Variants in OPCML observed in about 807,000 individuals in gnomAD.
OPCML encodes the protein opioid binding protein/cell adhesion molecule like, also known as opioid-binding protein/cell adhesion molecule.
OPCML carries 13 observed loss-of-function variants against 37.8 expected under a neutral mutation model. The ratio of observed to expected loss-of-function variants is 0.34; its 90% confidence interval spans 0.22 to 0.55. The LOEUF is 0.55. OPCML is among the 20% of genes least tolerant of loss of function. The pLI, the probability that OPCML is intolerant of heterozygous loss-of-function variation, is 0.91. For missense variants in OPCML, 341 were observed against 435.6 expected, an observed-to-expected ratio of 0.78 and a Z score of 1.93; for synonymous variants, 176 against 168.8, an observed-to-expected ratio of 1.04 and a Z score of -0.33.
intron 3 of OPCML, among the ~76,000 whole-genome samples, chr11:132,650,631 T>C (rs946191865): frequency 1.3e-5 from 2 of 151,900 alleles, no homozygotes; most frequent in African/African-American, 4.8e-5. Context: ...ACACATGGGA[T>C]TAAAGTATGC....
At chr11:132,742,155 G>A (rs575324546) in intron 2 of OPCML, among the ~76,000 whole-genome samples, 5 of 152,248 alleles carry the variant, frequency 3.3e-5, no homozygotes, top group Admixed American at 6.5e-5. Context: ...TGACGTAACC[G>A]CAGTCGTATC....
chr11:132,627,467 T>G (rs899322359), intron 3 of OPCML, among the ~76,000 whole-genome samples: 3 of 152,240 alleles, frequency 2.0e-5, no homozygotes, highest in African/African-American at 7.2e-5. Context: ...CATGTAGGTA[T>G]GGCCTCTGCA....
At chr11:132,688,268 A>G (rs1260573924) in intron 2 of OPCML, among the ~76,000 whole-genome samples, 1 of 152,194 alleles carries the variant, frequency 6.6e-6, no homozygotes, top group Non-Finnish European at 1.5e-5. Flanking sequence ...CTTCGCAAAG[A>G]AAAAGAAGTT....
At chr11:132,703,516 A>C (rs1368314686) in intron 2 of OPCML, among the ~76,000 whole-genome samples, 1 of 152,126 alleles carries the variant, frequency 6.6e-6, no homozygotes, top group Non-Finnish European at 1.5e-5. Context: ...GTCTGTATAG[A>C]CTGTCTTTGC....
chr11:132,768,321 C>T (rs1019032397), intron 2 of OPCML, among the ~76,000 whole-genome samples: 2 of 152,164 alleles, frequency 1.3e-5, no homozygotes, highest in Non-Finnish European at 2.9e-5. Context: ...TGGCTTGCCC[C>T]CATTCCGTCG....
At chr11:132,708,526 G>A (rs188915339) in intron 2 of OPCML, among the ~76,000 whole-genome samples, 5 of 152,260 alleles carry the variant, frequency 3.3e-5, no homozygotes, top group Admixed American at 2.6e-4. Context: ...TATAATCAAA[G>A]GGCTTCTATA....
chr11:133,352,043 CCTT>C (rs559393230), intron 1 of OPCML, among the ~76,000 whole-genome samples: 55 of 152,296 alleles, frequency 3.6e-4, no homozygotes, highest in African/African-American at 1.0e-3. Context: ...ATTGCAATAG[CCTT>C]CTAACTTACT....
intron 2 of OPCML, among the ~76,000 whole-genome samples, chr11:132,935,079 C>A (rs562432776): frequency 5.3e-5 from 8 of 150,130 alleles, no homozygotes; most frequent in African/African-American, 2.0e-4. Flanking sequence ...GTGGAGGTTG[C>A]GGTGAGCCAA....
intron 1 of OPCML, among the ~76,000 whole-genome samples, chr11:133,047,256 G>A (rs1177411788): frequency 6.6e-6 from 1 of 152,234 alleles, no homozygotes; most frequent in African/African-American, 2.4e-5. Context: ...AGGGTTGGCA[G>A]GACAAGATAG....
chr11:133,350,936 T>C (rs1343461197), intron 1 of OPCML, among the ~76,000 whole-genome samples: 7 of 152,122 alleles, frequency 4.6e-5, no homozygotes, highest in Admixed American at 2.0e-4. Flanking sequence ...GGCAGGCCAA[T>C]GCAGAAAGGT....
At chr11:132,912,014 T>C (rs1944442631) in intron 2 of OPCML, among the ~76,000 whole-genome samples, 2 of 152,088 alleles carry the variant, frequency 1.3e-5, no homozygotes, top group Admixed American at 1.3e-4. Context: ...TTGGAACTAA[T>C]TGAGACGCAT....
chr11:133,409,472 T>C (rs772616045), intron 1 of OPCML, among the ~76,000 whole-genome samples: 3 of 152,180 alleles, frequency 2.0e-5, no homozygotes, highest in Non-Finnish European at 4.4e-5. Context: ...AGTCTCCCAG[T>C]GGGAATTTAA....
chr11:133,218,803 T>A (rs1318057632), intron 1 of OPCML, among the ~76,000 whole-genome samples: 1 of 151,992 alleles, frequency 6.6e-6, no homozygotes, highest in African/African-American at 2.4e-5. Context: ...GTCTCAGAGG[T>A]CTTTGGAATT....
At position 132,945,273 on chromosome 11, in the gene OPCML, C is replaced by T. The variant is rs183368336; in HGVS notation, c.62-2263G>A. ...ACTTCCATAAACCTAGATGACACAG[C>T]CTACTACACACCTAGGCTGTATGGT... On this transcript the variant is annotated intron_variant, in intron 1 of 7. Coordinates refer to ENST00000524381, the MANE Select transcript of OPCML (RefSeq NM_001012393.5). Among the ~76,000 whole-genome samples the T allele has an allele frequency of 1.4e-4, 22 of 152,320 alleles. No homozygotes were observed. The East Asian group carries it at 4.1e-3, about 28-fold the overall frequency.
chr11:133,024,669 T>A (rs773290301), intron 1 of OPCML: 34 of 852,364 alleles, frequency 4.0e-5, no homozygotes, highest in Non-Finnish European at 4.8e-5. Context: ...GTGGTGAAGA[T>A]GTTTGGTCTA....
chr11:133,058,178 A>G (rs1182303326), intron 1 of OPCML, among the ~76,000 whole-genome samples: 1 of 152,226 alleles, frequency 6.6e-6, no homozygotes, highest in Non-Finnish European at 1.5e-5. Flanking sequence ...TGAAAGTAGC[A>G]TTATTAAAGT....
At chr11:133,506,798 C>A (rs903161373) in intron 1 of OPCML, among the ~76,000 whole-genome samples, 4 of 152,338 alleles carry the variant, frequency 2.6e-5, no homozygotes, top group Admixed American at 6.5e-5. Flanking sequence ...TACGCCACTG[C>A]CCATGTGCTG....
At chr11:132,600,054 T>A (rs1937745845) in intron 3 of OPCML, among the ~76,000 whole-genome samples, 1 of 152,222 alleles carries the variant, frequency 6.6e-6, no homozygotes, top group Non-Finnish European at 1.5e-5. Context: ...GGAACAGGTA[T>A]GGGCAGGATC....
At chr11:132,751,726 G>A (rs949069346) in intron 2 of OPCML, among the ~76,000 whole-genome samples, 11 of 152,112 alleles carry the variant, frequency 7.2e-5, no homozygotes, top group African/African-American at 2.7e-4. Flanking sequence ...AGTTCCGTCG[G>A]CATCCAAAGC....
Sources: gnomAD v4.1 joint callset for allele counts (sites outside exome capture counted in the v4.1 genomes callset) on GRCh38, gnomAD v4.1.1 for gene constraint, MANE v1.5 for transcripts, NCBI Gene and HGNC (gene_info 2026-07-23, HGNC 2026-07-21) for gene names.